NKAIN2: variants seen among roughly 807,000 people sequenced by gnomAD.
The protein encoded by NKAIN2 is sodium/potassium-transporting ATPase subunit beta-1-interacting protein 2.
In NKAIN2, 14 loss-of-function variants were observed where a neutral mutation model predicts 32.6. The ratio of observed to expected loss-of-function variants is 0.43; its 90% CI spans 0.28 to 0.67. The LOEUF is 0.67. NKAIN2 is among the 30% of genes least tolerant of loss of function. NKAIN2 has a pLI of 0.17. For synonymous variants in NKAIN2, 80 were observed against 87.2 expected, an observed-to-expected ratio of 0.92 and a Z score of 0.46; for missense variants, 198 against 258.3, an observed-to-expected ratio of 0.77 and a Z score of 1.60.
chr6:124,574,400 C>T (rs1781251108), intron 3 of NKAIN2, among the ~76,000 whole-genome samples: 1 of 152,020 alleles, frequency 6.6e-6, no homozygotes, highest in Non-Finnish European at 1.5e-5. Flanking sequence ...GGCTGATCAC[C>T]TGAGGTCAGG....
intron 2 of NKAIN2, among the ~76,000 whole-genome samples, chr6:124,349,277 G>A (rs1348537373): frequency 6.6e-6 from 1 of 152,066 alleles, no homozygotes; most frequent in Admixed American, 6.6e-5. Context: ...CACAGGAAGA[G>A]GAGAGCCAGC....
intron 1 of NKAIN2, among the ~76,000 whole-genome samples, chr6:124,225,977 C>T (rs962134490): frequency 6.6e-6 from 1 of 151,942 alleles, no homozygotes; most frequent in Non-Finnish European, 1.5e-5. Flanking sequence ...AGGGAGACAT[C>T]AGTTATGTTT....
chr6:124,379,548 A>G (rs944513400), intron 3 of NKAIN2, among the ~76,000 whole-genome samples: 3 of 152,124 alleles, frequency 2.0e-5, no homozygotes, highest in Non-Finnish European at 4.4e-5. Context: ...TTTTATATGC[A>G]GTAAGAATAA....
chr6:124,454,384 T>G (rs1776242070), intron 3 of NKAIN2, among the ~76,000 whole-genome samples: 1 of 152,070 alleles, frequency 6.6e-6, no homozygotes, highest in Non-Finnish European at 1.5e-5. Context: ...ATACAGTGTT[T>G]TATGCAGAAA....
At chr6:124,263,721 A>AGTTTGTTTT (rs370484457) in intron 1 of NKAIN2, among the ~76,000 whole-genome samples, 4 of 151,976 alleles carry the variant, frequency 2.6e-5, no homozygotes, top group Non-Finnish European at 4.4e-5. Context: ...TGTTTGTTTA[A>AGTTTGTTTT]TTTAAACAGC....
intron 4 of NKAIN2, among the ~76,000 whole-genome samples, chr6:124,741,106 A>G (rs1009892468): frequency 1.3e-5 from 2 of 151,786 alleles, no homozygotes; most frequent in Non-Finnish European, 2.9e-5. Context: ...ATAGGTGAAT[A>G]GTGATTCTTC....
intron 3 of NKAIN2, among the ~76,000 whole-genome samples, chr6:124,377,469 C>A (rs751708777): frequency 2.0e-5 from 3 of 152,090 alleles, no homozygotes; most frequent in Non-Finnish European, 2.9e-5. Flanking sequence ...GGACATAGCA[C>A]TGGGACTTAA....
chr6:124,541,608 G>A (rs1211141900), intron 3 of NKAIN2, among the ~76,000 whole-genome samples: 1 of 152,148 alleles, frequency 6.6e-6, no homozygotes, highest in Non-Finnish European at 1.5e-5. Context: ...ATTCAACTGT[G>A]AAAACCAATT....
intron 1 of NKAIN2, among the ~76,000 whole-genome samples, chr6:123,851,244 A>ATTTTTTTTTTTTTTTTTTTTTTTTTTTT (rs59287833): frequency 1.1e-5 from 1 of 88,196 alleles, no homozygotes; most frequent in African/African-American, 4.8e-5. Context: ...TGGTGGTTCT[A>ATTTTTTTTTTTTTTTTTTTTTTTTTTTT]TTTTTTTTTT....
intron 1 of NKAIN2, among the ~76,000 whole-genome samples, chr6:124,234,442 G>T (rs1792634402): frequency 6.6e-6 from 1 of 152,034 alleles, no homozygotes; most frequent in African/African-American, 2.4e-5. Context: ...AACCACTAGG[G>T]AGCTCAATTA....
intron 1 of NKAIN2, among the ~76,000 whole-genome samples, chr6:123,965,059 T>G (rs573481803): frequency 1.3e-5 from 2 of 152,126 alleles, no homozygotes; most frequent in Non-Finnish European, 2.9e-5. Flanking sequence ...GTCTGTGTCT[T>G]TAGCTTCCAT....
intron 5 of NKAIN2, among the ~76,000 whole-genome samples, chr6:124,806,646 T>A (rs556594853): frequency 2.0e-5 from 3 of 151,854 alleles, no homozygotes; most frequent in African/African-American, 7.2e-5. Context: ...CAATATTAAC[T>A]TTAAATGTAA....
chr6:123,846,310 C>T (rs945001937), intron 1 of NKAIN2, among the ~76,000 whole-genome samples: 1 of 152,160 alleles, frequency 6.6e-6, no homozygotes, highest in Admixed American at 6.5e-5. Context: ...TTTTCCCCTT[C>T]CTGCCACTCC....
At chr6:124,106,571 G>T (rs927723774) in intron 1 of NKAIN2, among the ~76,000 whole-genome samples, 31 of 152,134 alleles carry the variant, frequency 2.0e-4, no homozygotes, top group African/African-American at 7.5e-4. Flanking sequence ...CCTTAGGAAA[G>T]GCGGAATGAT....
At chr6:123,836,742 G>A (rs1774642575) in intron 1 of NKAIN2, among the ~76,000 whole-genome samples, 1 of 152,088 alleles carries the variant, frequency 6.6e-6, no homozygotes, top group Non-Finnish European at 1.5e-5. Context: ...TTGCTTTTGA[G>A]AAAAGTACAA....
intron 2 of NKAIN2, among the ~76,000 whole-genome samples, chr6:124,346,388 C>T (rs1798425228): frequency 6.6e-6 from 1 of 152,058 alleles, no homozygotes; most frequent in African/African-American, 2.4e-5. Flanking sequence ...CTGGGTATCC[C>T]TGTCAACTTT....
intron 3 of NKAIN2, among the ~76,000 whole-genome samples, chr6:124,358,620 G>T (rs2114259547): frequency 6.6e-6 from 1 of 151,818 alleles, no homozygotes; most frequent in Non-Finnish European, 1.5e-5. Context: ...TTTTGATGGG[G>T]TTGTTTTTTT....
Position 124,432,107 on chromosome 6 carries a change from A to G in NKAIN2, c.273+76760A>G, listed in dbSNP as rs1404695042. On this transcript the variant is annotated intron_variant, in intron 3 of 6. Transcript: ENST00000368417. ...AAAAGGAGATATTGTAAGTGTCACAATTGTGTACATGCCTTGTACATGGAA... is the reference window on the plus strand; with the variant it reads ...AAAAGGAGATATTGTAAGTGTCACAGTTGTGTACATGCCTTGTACATGGAA... Among the ~76,000 whole-genome samples the G allele has an allele frequency of 2.0e-5, 3 of 152,158 alleles. No homozygotes were observed. In the East Asian group the frequency reaches 5.8e-4, roughly 29 times the overall value.
At chr6:124,351,702 A>C (rs749080833) in intron 2 of NKAIN2, among the ~76,000 whole-genome samples, 1 of 150,420 alleles carries the variant, frequency 6.6e-6, no homozygotes, top group African/African-American at 2.5e-5. Context: ...GCTCACTGCA[A>C]CCTCTGCCTC....
Sources: gnomAD v4.1 joint callset for allele counts (sites outside exome capture counted in the v4.1 genomes callset) on GRCh38, gnomAD v4.1.1 for gene constraint, MANE v1.5 for transcripts, NCBI Gene and HGNC (gene_info 2026-07-23, HGNC 2026-07-21) for gene names.